Variants in CNTN1 observed in about 807,000 individuals in gnomAD.
CNTN1 encodes the protein contactin-1.
CNTN1 carries 38 observed loss-of-function variants against 126.4 expected under a neutral mutation model. That is an observed-to-expected ratio of 0.30 (90% CI 0.23 to 0.39). The LOEUF is 0.39. CNTN1 is among the 10% of genes least tolerant of loss of function. The probability of loss-of-function intolerance (pLI) is 1.00; values close to 1 mark genes in which losing one functional copy is unlikely to be tolerated. For missense variants in CNTN1, 1,009 were observed against 1,248.4 expected, an observed-to-expected ratio of 0.81 and a Z score of 2.89; for synonymous variants, 413 against 422.6, an observed-to-expected ratio of 0.98 and a Z score of 0.28.
intron 1 of CNTN1, among the ~76,000 whole-genome samples, chr12:40,848,224 A>G (rs1040872625): frequency 2.6e-5 from 4 of 152,216 alleles, no homozygotes; most frequent in Non-Finnish European, 4.4e-5. Flanking sequence ...CAGAATTCAT[A>G]TAAGGATTCA....
chr12:41,017,031 T>C (rs1948796997), intron 19 of CNTN1, 115 bp downstream of exon 19: 4 of 799,492 alleles, frequency 5.0e-6, no homozygotes, highest in South Asian at 1.5e-5. Context: ...TATAGCATTA[T>C]GCATTTAGTA....
intron 23 of CNTN1, among the ~76,000 whole-genome samples, chr12:41,051,820 G>T (rs931898550): frequency 2.6e-5 from 4 of 151,630 alleles, no homozygotes; most frequent in Non-Finnish European, 5.9e-5. Flanking sequence ...GATCTTGTAA[G>T]AGGAAGAATG....
At chr12:40,868,870 T>C (rs1943394397) in intron 1 of CNTN1, among the ~76,000 whole-genome samples, 1 of 152,132 alleles carries the variant, frequency 6.6e-6, no homozygotes, top group African/African-American at 2.4e-5. Flanking sequence ...AAAGCAATAA[T>C]AGATGCTTTA....
intron 15 of CNTN1, chr12:40,972,240 G>T (rs10879442): frequency 0.64 from 631,426 of 984,702 alleles, 202,584 homozygotes; most frequent in Middle Eastern, 0.69. Context: ...TTTGTAGATC[G>T]TTTGGGTGGA....
chr12:40,996,421 C>T (rs910070975), intron 17 of CNTN1, among the ~76,000 whole-genome samples: 2 of 152,106 alleles, frequency 1.3e-5, no homozygotes, highest in Admixed American at 6.5e-5. Flanking sequence ...CATGAGCCAC[C>T]GGGTCTGGCC....
chr12:40,788,992 A>G (rs1266604141), intron 1 of CNTN1, among the ~76,000 whole-genome samples: 1 of 152,154 alleles, frequency 6.6e-6, no homozygotes, highest in Non-Finnish European at 1.5e-5. Context: ...TATATCCCAC[A>G]TGAGATTATA....
chr12:40,773,054 G>A (rs1341273716), intron 1 of CNTN1, among the ~76,000 whole-genome samples: 3 of 151,814 alleles, frequency 2.0e-5, no homozygotes, highest in African/African-American at 4.8e-5. Context: ...ATAGGCAAAT[G>A]TGTATAAACT....
In CNTN1 at chr12:40,956,716, G is replaced by A. The variant is rs147438388; in HGVS notation, c.1684-2398G>A. ...GAGAGAGCCTAGAGAATGGAATCAA[G>A]TTGGCTACAATAATGCTATGGCTTT... On this transcript the variant is annotated intron_variant, in intron 14 of 23. Coordinates refer to ENST00000551295, the MANE Select transcript of CNTN1 (RefSeq NM_001843.4). Among the ~76,000 whole-genome samples, 369 of 152,214 alleles carry A rather than the reference G, an allele frequency of 2.4e-3. 1 individual carries two copies. Among genetic ancestry groups the A allele is most frequent in the African/African-American group, 8.6e-3 (356 of 41,562 alleles).
At chr12:40,748,560 C>T (rs1275316435) in intron 1 of CNTN1, among the ~76,000 whole-genome samples, 1 of 152,056 alleles carries the variant, frequency 6.6e-6, no homozygotes, top group South Asian at 2.1e-4. Flanking sequence ...AGTTGTTGTA[C>T]TTGAAAACTG....
intron 1 of CNTN1, among the ~76,000 whole-genome samples, chr12:40,818,886 T>C (rs1043460516): frequency 1.3e-5 from 2 of 152,196 alleles, no homozygotes; most frequent in African/African-American, 2.4e-5. Context: ...TTGTTGATGC[T>C]ATTTTTGTCA....
rs1941379895 is a variant in CNTN1 at position 40,819,628 on chromosome 12, G to T, written c.-76-88729G>T. On this transcript the variant is annotated intron_variant, in intron 1 of 23. Coordinates refer to ENST00000551295, the MANE Select transcript of CNTN1 (RefSeq NM_001843.4). ...CATGTTAGGCATTGTAGGTCCCAGT[G>T]CTGGCTGCTGTTCCTCCCTCAAGGA... Among the ~76,000 whole-genome samples, 5 of 152,162 alleles carry T rather than the reference G, an allele frequency of 3.3e-5. No homozygotes were observed. In the South Asian group the frequency reaches 1.0e-3, roughly 32 times the overall value.
chr12:40,705,218 A>G (rs1941707932), intron 1 of CNTN1, among the ~76,000 whole-genome samples: 1 of 152,190 alleles, frequency 6.6e-6, no homozygotes, highest in African/African-American at 2.4e-5. Flanking sequence ...TTGTTTCATT[A>G]GGGAATTAAA....
intron 1 of CNTN1, among the ~76,000 whole-genome samples, chr12:40,874,079 C>G (rs1180855237): frequency 2.0e-5 from 3 of 152,146 alleles, no homozygotes; most frequent in African/African-American, 7.2e-5. Flanking sequence ...AGGCACTATA[C>G]TCAGGAGTTT....
At chr12:40,926,185 A>ATAGATAGATAGG in intron 6 of CNTN1, among the ~76,000 whole-genome samples, 1 of 151,000 alleles carries the variant, frequency 6.6e-6, no homozygotes, top group African/African-American at 2.4e-5. Context: ...AGATAGATAG[A>ATAGATAGATAGG]TAGATAGATA....
chr12:40,943,952 CTT>C (rs1172935635), intron 13 of CNTN1, 41 bp from the exon 14 acceptor site: 4 of 1,560,774 alleles, frequency 2.6e-6, no homozygotes, highest in Non-Finnish European at 3.5e-6. Context: ...AATATTGTGT[CTT>C]ATATCTTCTT....
At chr12:41,024,765 T>C (rs1390625439) in intron 20 of CNTN1, among the ~76,000 whole-genome samples, 2 of 152,164 alleles carry the variant, frequency 1.3e-5, no homozygotes, top group Non-Finnish European at 2.9e-5. Flanking sequence ...TTTGAAATCA[T>C]GCAAACAGAA....
chr12:40,757,762 A>G lies in CNTN1; in HGVS notation c.-77+65170A>G, dbSNP rs964727904. Among the ~76,000 whole-genome samples, 4 of 152,168 alleles carry G rather than the reference A, an allele frequency of 2.6e-5. 1 individual carries two copies. Among genetic ancestry groups the G allele is most frequent in the African/African-American group, 9.6e-5 (4 of 41,452 alleles). On this transcript the variant is annotated intron_variant, in intron 1 of 23. Transcript: ENST00000551295. ...AGGGTGAGCATGAATTGAAAATCTC[A>G]TTGGTAAGAAAAAAATAAAACCATT...
intron 1 of CNTN1, among the ~76,000 whole-genome samples, chr12:40,899,143 C>G (rs1944517698): frequency 6.6e-6 from 1 of 152,134 alleles, no homozygotes; most frequent in Admixed American, 6.5e-5. Flanking sequence ...TATGTGAGAG[C>G]AAAAGAGAAA....
intron 17 of CNTN1, among the ~76,000 whole-genome samples, chr12:40,994,369 T>C (rs537565285): frequency 1.3e-5 from 2 of 152,236 alleles, no homozygotes; most frequent in Admixed American, 6.5e-5. Context: ...TTGAGATAGG[T>C]AAGTAAAAAT....
Sources: allele counts gnomAD v4.1 joint callset (sites outside exome capture counted in the v4.1 genomes callset), GRCh38; gene constraint gnomAD v4.1.1; transcripts MANE v1.5; gene names NCBI Gene and HGNC (gene_info 2026-07-23, HGNC 2026-07-21).